Variants in RANBP2 observed in about 807,000 individuals in gnomAD.
The protein encoded by RANBP2 is E3 SUMO-protein ligase RanBP2.
In RANBP2, 57 loss-of-function variants were observed where a neutral mutation model predicts 303.6. The ratio of observed to expected loss-of-function variants is 0.19; its 90% CI spans 0.15 to 0.23. The LOEUF (loss-of-function observed/expected upper bound fraction) is 0.23, where lower values mean the gene tolerates loss of function less well. Among genes scored for constraint, RANBP2 ranks in the 10% least tolerant of loss-of-function variants. The probability of loss-of-function intolerance (pLI) is 1.00; values close to 1 mark genes in which losing one functional copy is unlikely to be tolerated. For synonymous variants in RANBP2, 1,167 were observed against 1,301.5 expected (o/e 0.90, Z 2.23); for missense variants, 3,138 against 3,780.8 (o/e 0.83, Z 4.46).
the RANBP2 span, among the ~76,000 whole-genome samples, chr2:109,548,863 G>C: frequency 6.7e-6 from 1 of 150,260 alleles, no homozygotes; most frequent in Admixed American, 6.6e-5. Flanking sequence ...AAACCAGAGA[G>C]CTAAACTCTG....
At chr2:109,575,833 G>T in the RANBP2 span, among the ~76,000 whole-genome samples, 1 of 152,152 alleles carries the variant, frequency 6.6e-6, no homozygotes, top group Non-Finnish European at 1.5e-5. Flanking sequence ...CTTCTATAAA[G>T]TTGCCCGACC....
the RANBP2 span, among the ~76,000 whole-genome samples, chr2:109,437,626 G>A: frequency 1.3e-5 from 2 of 152,186 alleles, no homozygotes; most frequent in African/African-American, 4.8e-5. Context: ...CAGGGCTGGG[G>A]TGAGACTCGG....
the RANBP2 span, among the ~76,000 whole-genome samples, chr2:109,170,777 T>C: frequency 6.6e-6 from 1 of 152,226 alleles, no homozygotes; most frequent in Non-Finnish European, 1.5e-5. Context: ...GGATGACCCA[T>C]CTGTTTCTCT....
the RANBP2 span, among the ~76,000 whole-genome samples, chr2:108,996,929 T>TCAGGAC: frequency 6.6e-6 from 1 of 152,096 alleles, no homozygotes; most frequent in Non-Finnish European, 1.5e-5. Context: ...CATGGGATGC[T>TCAGGAC]CAGGACCAGG....
the RANBP2 span, among the ~76,000 whole-genome samples, chr2:109,283,372 C>T: frequency 2.6e-5 from 4 of 152,216 alleles, no homozygotes; most frequent in Non-Finnish European, 5.9e-5. Flanking sequence ...CCAGGCCTCA[C>T]CTCACTGCGT....
the RANBP2 span, among the ~76,000 whole-genome samples, chr2:109,225,409 G>A: frequency 0.013 from 1,905 of 152,240 alleles, 39 homozygotes; most frequent in African/African-American, 0.043. Flanking sequence ...AAATCTGCAC[G>A]TTAACAGGTT....
the RANBP2 span, among the ~76,000 whole-genome samples, chr2:109,325,575 C>T: frequency 1.3e-5 from 2 of 152,106 alleles, no homozygotes; most frequent in Non-Finnish European, 2.9e-5. Flanking sequence ...CTTAATATGG[C>T]TGCTCTGAGT....
chr2:108,793,964 A>G, the RANBP2 span, among the ~76,000 whole-genome samples: 1 of 152,164 alleles, frequency 6.6e-6, no homozygotes, highest in Non-Finnish European at 1.5e-5. Context: ...GCATCTGTAT[A>G]GCCAAATCAG....
At chr2:108,804,839 T>C in the RANBP2 span, 1 of 1,428,562 alleles carries the variant, frequency 7.0e-7, no homozygotes, top group East Asian at 2.6e-5. Flanking sequence ...GTATTAGTGA[T>C]ATACAGTCCT....
At chr2:108,855,490 A>C in the RANBP2 span, among the ~76,000 whole-genome samples, 1 of 151,630 alleles carries the variant, frequency 6.6e-6, no homozygotes, top group Non-Finnish European at 1.5e-5. Context: ...GTGTTGCTAA[A>C]AAAAAAAAAA....
At chr2:109,525,189 C>G in the RANBP2 span, among the ~76,000 whole-genome samples, 1 of 151,336 alleles carries the variant, frequency 6.6e-6, no homozygotes, top group Admixed American at 6.6e-5. Flanking sequence ...GAGTCTCACT[C>G]TGTCACCCAG....
chr2:109,206,377 G>T, the RANBP2 span, among the ~76,000 whole-genome samples: 1 of 150,486 alleles, frequency 6.6e-6, no homozygotes, highest in African/African-American at 2.4e-5. Context: ...TGTAGTCCCA[G>T]CTACTCAGGA....
chr2:109,028,816 G>A, the RANBP2 span, among the ~76,000 whole-genome samples: 1 of 152,134 alleles, frequency 6.6e-6, no homozygotes, highest in Non-Finnish European at 1.5e-5. Flanking sequence ...CCCCACTCCT[G>A]TCTTCCAGAG....
the RANBP2 span, among the ~76,000 whole-genome samples, chr2:109,316,437 T>C: frequency 1.3e-5 from 2 of 152,188 alleles, no homozygotes; most frequent in Admixed American, 1.3e-4. Flanking sequence ...AACACAGGTG[T>C]GATGTCAGTG....
At chr2:109,691,155 C>T in the RANBP2 span, among the ~76,000 whole-genome samples, 1 of 152,138 alleles carries the variant, frequency 6.6e-6, no homozygotes, top group Non-Finnish European at 1.5e-5. Flanking sequence ...TTACAATAGC[C>T]CTTGCCAGAA....
At chr2:108,927,287 A>G in the RANBP2 span, among the ~76,000 whole-genome samples, 6 of 152,242 alleles carry the variant, frequency 3.9e-5, 1 homozygote, top group African/African-American at 1.4e-4. Context: ...TCACTGTCCC[A>G]TGGAGTAGGG....
the RANBP2 span, chr2:109,544,644 A>G: frequency 1.1e-6 from 1 of 925,892 alleles, no homozygotes; most frequent in Non-Finnish European, 1.3e-6. Context: ...ACACTGGGTT[A>G]AGATGAAAGG....
At chr2:109,623,274 C>T in the RANBP2 span, among the ~76,000 whole-genome samples, 2 of 152,156 alleles carry the variant, frequency 1.3e-5, no homozygotes, top group Admixed American at 6.5e-5. Context: ...GAGCCCATAC[C>T]CACCCCCGGC....
the RANBP2 span, among the ~76,000 whole-genome samples, chr2:109,479,840 C>A: frequency 2.6e-5 from 4 of 152,136 alleles, no homozygotes; most frequent in African/African-American, 4.8e-5. Flanking sequence ...ATGAAGACCC[C>A]GGGACTCACT....
Sources: allele counts gnomAD v4.1 joint callset (sites outside exome capture counted in the v4.1 genomes callset), GRCh38; gene constraint gnomAD v4.1.1; transcripts MANE v1.5; gene names NCBI Gene and HGNC (gene_info 2026-07-23, HGNC 2026-07-21).